The following FAM193A variants were observed in gnomAD, a reference collection of about 807,000 sequenced individuals.
The protein encoded by FAM193A is family with sequence similarity 193 member A, also known as protein FAM193A.
Under a neutral mutation model 126.5 loss-of-function variants are expected in FAM193A, and 22 were observed. The observed-to-expected ratio is 0.17, with a 90% CI of 0.12 to 0.25. The LOEUF (loss-of-function observed/expected upper bound fraction) is 0.25, where lower values mean the gene tolerates loss of function less well. Ranked by LOEUF, FAM193A falls within the 10% of genes least tolerant of loss-of-function variation. FAM193A has a pLI of 1.00. For synonymous variants in FAM193A, 761 were observed against 646.8 expected, an observed-to-expected ratio of 1.18 and a Z score of -2.68; for missense variants, 1,675 against 1,672.8, an observed-to-expected ratio of 1.00 and a Z score of -0.02.
intron 17 of FAM193A, 59 bp from the exon 18 acceptor site, chr4:2,696,304 T>C (rs930187564): frequency 2.5e-5 from 30 of 1,182,670 alleles, no homozygotes; most frequent in Non-Finnish European, 3.4e-5. Context: ...AGGTGTGGTC[T>C]GAAATTTATT....
At chr4:2,704,981 G>A (rs1276848057) in intron 19 of FAM193A, among the ~76,000 whole-genome samples, 5 of 151,918 alleles carry the variant, frequency 3.3e-5, no homozygotes, top group South Asian at 2.1e-4. Context: ...GCGCGATCTC[G>A]GCTCACTGCA....
Position 2,693,702 on chromosome 4 carries a change from C to T in FAM193A, c.2920C>T (p.Pro974Ser), listed in dbSNP as rs745682134. 2 of 1,614,156 alleles carry T rather than the reference C, an allele frequency of 1.2e-6. No homozygotes were observed. The highest frequency in any genetic ancestry group is 1.1e-5 in the South Asian group (1 of 91,086). Residue 974 changes from proline to serine, a missense_variant, in exon 16 of 21, where the codon CCT becomes TCT. This residue lies in a region of FAM193A where 1,186 missense variants were observed against 1,109.2 expected (regional missense o/e 1.07). Transcript: ENST00000637812. ...AGCGCTCTCGCCTGCTGCGCTGTCA[C>T]CTGCTGCGCTCTCACCTGCCTCCAC... ...LPALSPAALSPAALSPASTPH... is the reference protein window; with the variant it reads ...LPALSPAALSSAALSPASTPH...
chr4:2,690,528 C>G (rs1358939002), intron 14 of FAM193A, among the ~76,000 whole-genome samples, 170 bp from the exon 15 acceptor site: 1 of 152,164 alleles, frequency 6.6e-6, no homozygotes, highest in Non-Finnish European at 1.5e-5. Context: ...AGTAGGTGCT[C>G]AATACAATTT....
At chr4:2,544,276 A>G (rs888478116) in intron 1 of FAM193A, among the ~76,000 whole-genome samples, 15 of 152,324 alleles carry the variant, frequency 9.8e-5, no homozygotes, top group Admixed American at 9.8e-4. Context: ...GATAAAGAAT[A>G]TAGGTTGGCA....
chr4:2,552,431 G>A (rs1246211016), intron 1 of FAM193A, among the ~76,000 whole-genome samples: 1 of 152,140 alleles, frequency 6.6e-6, no homozygotes, highest in South Asian at 2.1e-4. Context: ...GATTATAGGC[G>A]TGAGCCACCG....
At chr4:2,697,961 G>C (rs780781028) in intron 18 of FAM193A, among the ~76,000 whole-genome samples, 14 of 152,216 alleles carry the variant, frequency 9.2e-5, no homozygotes, top group African/African-American at 1.2e-4. Flanking sequence ...CTTGCCCTCT[G>C]ACCTTGCAGG....
At chr4:2,683,168 C>G (rs749356314) in intron 13 of FAM193A, among the ~76,000 whole-genome samples, 3 of 152,098 alleles carry the variant, frequency 2.0e-5, no homozygotes, top group East Asian at 3.8e-4. Context: ...TCCCTCTGTC[C>G]TTGCTGGCAT....
At chr4:2,637,282 A>G (rs1310970661) in intron 5 of FAM193A, among the ~76,000 whole-genome samples, 1 of 152,140 alleles carries the variant, frequency 6.6e-6, no homozygotes, top group African/African-American at 2.4e-5. Context: ...AGCCAAGATT[A>G]CACCACTGCA....
At chr4:2,608,037 G>C in intron 2 of FAM193A, 1 of 1,606,412 alleles carries the variant, frequency 6.2e-7, no homozygotes. Context: ...CTTCACGTCC[G>C]GGTGTGCAGC....
intron 12 of FAM193A, among the ~76,000 whole-genome samples, chr4:2,670,564 A>G (rs1354007422): frequency 1.3e-5 from 2 of 152,026 alleles, no homozygotes; most frequent in South Asian, 2.1e-4. Flanking sequence ...GGCTCAAACA[A>G]TCCTCCCACC....
At chr4:2,539,108 G>A (rs947041543) in intron 1 of FAM193A, among the ~76,000 whole-genome samples, 2 of 151,768 alleles carry the variant, frequency 1.3e-5, no homozygotes, top group African/African-American at 4.8e-5. Context: ...TGGGCAGGCT[G>A]GTCTTGAAGT....
chr4:2,575,567 A>G (rs1165544140), intron 1 of FAM193A, among the ~76,000 whole-genome samples: 11 of 150,538 alleles, frequency 7.3e-5, no homozygotes, highest in African/African-American at 2.2e-4. Flanking sequence ...CCCGGGTTCA[A>G]GTGATTCTCC....
At chr4:2,634,196 A>G (rs1326173930) in intron 5 of FAM193A, among the ~76,000 whole-genome samples, 1 of 152,216 alleles carries the variant, frequency 6.6e-6, no homozygotes, top group Non-Finnish European at 1.5e-5. Flanking sequence ...AGATGCAGGG[A>G]GTACAGCTTC....
chr4:2,655,441 G>T (rs1711555429), intron 7 of FAM193A, among the ~76,000 whole-genome samples: 1 of 151,948 alleles, frequency 6.6e-6, no homozygotes, highest in Non-Finnish European at 1.5e-5. Flanking sequence ...GTGTGTGCGT[G>T]TGCGCCTGTG....
chr4:2,617,556 G>A (rs1349003387), intron 2 of FAM193A, among the ~76,000 whole-genome samples: 1 of 151,652 alleles, frequency 6.6e-6, no homozygotes, highest in South Asian at 2.1e-4. Context: ...GAGCCACCGC[G>A]TCTGGCCTAT....
chr4:2,620,836 C>CAAAAAAA (rs34305537), intron 2 of FAM193A, among the ~76,000 whole-genome samples: 21 of 69,088 alleles, frequency 3.0e-4, no homozygotes, highest in African/African-American at 9.1e-4. Context: ...AACTCCGTCT[C>CAAAAAAA]AAAAAAAAAA....
intron 2 of FAM193A, among the ~76,000 whole-genome samples, chr4:2,624,653 C>T (rs1311353395): frequency 6.6e-6 from 1 of 152,198 alleles, no homozygotes; most frequent in Non-Finnish European, 1.5e-5. Context: ...CTGATTAGGA[C>T]AGTGGGAGTA....
intron 2 of FAM193A, among the ~76,000 whole-genome samples, chr4:2,610,393 G>A (rs901376934): frequency 3.9e-5 from 6 of 152,188 alleles, no homozygotes; most frequent in African/African-American, 1.4e-4. Context: ...TGCTTGCCCT[G>A]TTGGGTTTTA....
intron 20 of FAM193A, among the ~76,000 whole-genome samples, chr4:2,716,397 C>T (rs905207512): frequency 2.6e-5 from 4 of 151,156 alleles, no homozygotes; most frequent in African/African-American, 7.3e-5. Context: ...GCTTCTGAGG[C>T]GGTGGCTCTC....
Sources: gnomAD v4.1 joint callset for allele counts (sites outside exome capture counted in the v4.1 genomes callset) on GRCh38, gnomAD v4.1.1 for gene constraint, gnomAD v4.1.1 regional missense constraint, MANE v1.5 for transcripts, NCBI Gene and HGNC (gene_info 2026-07-23, HGNC 2026-07-21) for gene names.